XIRP2: variants seen among roughly 807,000 people sequenced by gnomAD.
XIRP2 encodes the protein xin actin-binding repeat-containing protein 2.
XIRP2 carries 236 observed loss-of-function variants against 277.0 expected under a neutral mutation model. The ratio of observed to expected loss-of-function variants is 0.85; its 90% CI spans 0.77 to 0.95. The LOEUF (loss-of-function observed/expected upper bound fraction) is 0.95, where lower values mean the gene tolerates loss of function less well. Among genes scored for constraint, XIRP2 ranks in the 40% least tolerant of loss-of-function variants. The pLI, the probability that XIRP2 is intolerant of heterozygous loss-of-function variation, is 0.00. For synonymous variants in XIRP2, 1,490 were observed against 1,416.5 expected (o/e 1.05, Z -1.17); for missense variants, 4,640 against 4,157.5 (o/e 1.12, Z -3.19).
chr2:167,243,684 G>A lies in XIRP2; in HGVS notation c.2292G>A (p.Lys764=), dbSNP rs1695152094. 1.2e-6 allele frequency: 2 copies of A among 1,613,948 alleles called. No homozygotes were observed. Among genetic ancestry groups the A allele is most frequent in the Middle Eastern group, 1.7e-4 (1 of 6,060 alleles). ...IKTVHREDVE[K]GDVRTARWMF... ...CTGTTCACAGAGAAGACGTTGAAAA[G>A]GGAGATGTAAGAACAGCACGGTGGA... Residue 764 remains lysine (K), a synonymous_variant, in exon 9 of 11, where the codon AAG becomes AAA. Coordinates refer to ENST00000409195, the MANE Select transcript of XIRP2 (RefSeq NM_152381.6).
chr2:166,974,861 A>G (rs1451178349), intron 2 of XIRP2, among the ~76,000 whole-genome samples: 2 of 152,112 alleles, frequency 1.3e-5, no homozygotes, highest in Non-Finnish European at 2.9e-5. Context: ...AAATGTAAAA[A>G]GCAAGCCCCA....
rs929747055 is a variant in XIRP2, at chr2:167,218,037, T to G, written c.724-129T>G. 31 of 695,438 alleles carry G rather than the reference T, an allele frequency of 4.5e-5. No homozygotes were observed. The African/African-American group carries it at 5.7e-4, about 13-fold the overall frequency. 43.1% of individuals were successfully genotyped at this position (695,438 alleles called of 1,614,324 possible). On this transcript the variant is annotated intron_variant, in intron 4 of 10. Transcript: ENST00000409195. Reference sequence around the variant, plus strand: ...GGTTTTTGTTAAAGACATACTGAAATAATGGTGTATGTGAATATCTTTTTA... The same window carrying G: ...GGTTTTTGTTAAAGACATACTGAAAGAATGGTGTATGTGAATATCTTTTTA...
chr2:167,068,684 A>G (rs1454455163), intron 2 of XIRP2, among the ~76,000 whole-genome samples: 1 of 151,978 alleles, frequency 6.6e-6, no homozygotes, highest in East Asian at 1.9e-4. Context: ...AAAGCAGGTC[A>G]TGGCTCATTT....
intron 2 of XIRP2, among the ~76,000 whole-genome samples, chr2:166,917,361 C>T (rs1684916521): frequency 6.6e-6 from 1 of 152,106 alleles, no homozygotes; most frequent in African/African-American, 2.4e-5. Context: ...GAGGATGGGC[C>T]ATAATGTTTT....
chr2:167,105,784 G>T (rs1239599804), intron 2 of XIRP2, among the ~76,000 whole-genome samples: 4 of 151,742 alleles, frequency 2.6e-5, no homozygotes, highest in African/African-American at 9.7e-5. Context: ...ATACATAAGT[G>T]ATCCAGTTTT....
At chr2:167,223,755 G>C (rs1471565289) in intron 5 of XIRP2, among the ~76,000 whole-genome samples, 1 of 152,090 alleles carries the variant, frequency 6.6e-6, no homozygotes, top group South Asian at 2.1e-4. Context: ...CAACATACAA[G>C]GTTGTGACCA....
chr2:166,912,728 T>G (rs1172768120), intron 2 of XIRP2, among the ~76,000 whole-genome samples: 1 of 152,202 alleles, frequency 6.6e-6, no homozygotes, highest in Non-Finnish European at 1.5e-5. Context: ...TTTCCCCATC[T>G]TTGTGGTTTT....
intron 3 of XIRP2, among the ~76,000 whole-genome samples, chr2:167,183,195 G>A (rs998149418): frequency 1.8e-4 from 28 of 152,152 alleles, no homozygotes; most frequent in African/African-American, 6.8e-4. Flanking sequence ...ATCTTTCATT[G>A]TAGACTAGGA....
chr2:167,174,111 A>G (rs1190967016), intron 3 of XIRP2, among the ~76,000 whole-genome samples: 1 of 152,184 alleles, frequency 6.6e-6, no homozygotes, highest in Non-Finnish European at 1.5e-5. Context: ...TTCAGTATCA[A>G]GATGATTCTG....
At chr2:166,911,675 T>C (rs1177173180) in intron 2 of XIRP2, among the ~76,000 whole-genome samples, 1 of 152,198 alleles carries the variant, frequency 6.6e-6, no homozygotes, top group Non-Finnish European at 1.5e-5. Context: ...GTTATTTTGC[T>C]CATTAGTTGA....
At chr2:167,162,087 T>C (rs1692385619) in intron 3 of XIRP2, among the ~76,000 whole-genome samples, 1 of 152,194 alleles carries the variant, frequency 6.6e-6, no homozygotes, top group Non-Finnish European at 1.5e-5. Context: ...CTCATCTACA[T>C]CTGAGACCCC....
chr2:166,929,332 TATGTACCTA>T (rs1295575597), intron 2 of XIRP2, among the ~76,000 whole-genome samples: 2 of 152,118 alleles, frequency 1.3e-5, no homozygotes, highest in Non-Finnish European at 2.9e-5. Flanking sequence ...GATGCTTCCC[TATGTACCTA>T]CTGTCCTAAA....
At chr2:167,094,912 T>C (rs1399780683) in intron 2 of XIRP2, among the ~76,000 whole-genome samples, 1 of 152,228 alleles carries the variant, frequency 6.6e-6, no homozygotes, top group Non-Finnish European at 1.5e-5. Context: ...TTGGGCAGTA[T>C]GGCCATTTTC....
chr2:166,940,495 G>A (rs1685675323), intron 2 of XIRP2, among the ~76,000 whole-genome samples: 1 of 152,222 alleles, frequency 6.6e-6, no homozygotes, highest in South Asian at 2.1e-4. Context: ...GCGAGGAGCT[G>A]TGTTCCTTTG....
Position 167,259,517 on chromosome 2 carries a change from T to C in XIRP2, c.*1700T>C. The C allele has an allele frequency of 5.9e-6, 4 of 673,738 alleles. No individual in the cohort carries two copies. Among genetic ancestry groups the C allele is most frequent in the Non-Finnish European group, 9.3e-6 (4 of 430,392 alleles). The allele number at this position is 673,738 out of a possible 1,614,324, so 41.7% of individuals were successfully genotyped here. ...CTATCTCAATGGGATATTTCTTGTA[T>C]TACACCTTGTCATTTTTTTCACAAT... On this transcript the variant is annotated 3_prime_UTR_variant, in exon 11 of 11. Transcript: ENST00000409195.
chr2:167,239,116 T>C (rs1265029200), intron 5 of XIRP2, among the ~76,000 whole-genome samples: 1 of 152,234 alleles, frequency 6.6e-6, no homozygotes, highest in Admixed American at 6.5e-5. Context: ...TCTGGATATG[T>C]CATTGTACTG....
chr2:166,905,824 A>G (rs1284110899), intron 2 of XIRP2, among the ~76,000 whole-genome samples: 1 of 151,972 alleles, frequency 6.6e-6, no homozygotes, highest in African/African-American at 2.4e-5. Flanking sequence ...TCTCCAAGTG[A>G]AGTATTTTGT....
At chr2:167,198,867 T>C (rs547036042) in intron 3 of XIRP2, among the ~76,000 whole-genome samples, 17 of 152,298 alleles carry the variant, frequency 1.1e-4, no homozygotes, top group Middle Eastern at 6.8e-3. Context: ...TATCAGTCAT[T>C]AAGTTCAAAA....
rs1403920368 is a variant in XIRP2, at chr2:167,247,985, A to C, written c.6593A>C (p.Asp2198Ala). ...LKQETKYSNK[D>A]IKKKNINLQP... ...CAAGAAACAAAATATTCTAATAAGG[A>C]TATAAAGAAAAAGAATATAAACCTT... The change falls in exon 9 of 11, where the codon GAT (aspartate) becomes GCT (alanine). Residue 2198 changes from aspartate to alanine, a missense_variant. Transcript: ENST00000409195. 6 of 1,612,458 alleles carry C rather than the reference A, an allele frequency of 3.7e-6. No individual in the cohort carries two copies. The highest frequency in any genetic ancestry group is 3.3e-5 in the Admixed American group (2 of 59,786).
Sources: allele counts gnomAD v4.1 joint callset (sites outside exome capture counted in the v4.1 genomes callset), GRCh38; gene constraint gnomAD v4.1.1; transcripts MANE v1.5; gene names NCBI Gene and HGNC (gene_info 2026-07-23, HGNC 2026-07-21).